MICALL1: variants seen among roughly 807,000 people sequenced by gnomAD.
MICALL1 encodes MICAL like 1.
MICALL1 carries 61 observed loss-of-function variants against 83.7 expected under a neutral mutation model. That is an observed-to-expected ratio of 0.73 (90% CI 0.59 to 0.90). The LOEUF is 0.90. Ranked by LOEUF, MICALL1 falls within the 40% of genes least tolerant of loss-of-function variation. The pLI, the probability that MICALL1 is intolerant of heterozygous loss-of-function variation, is 0.00. For missense variants in MICALL1, 1,066 were observed against 1,152.0 expected, an observed-to-expected ratio of 0.93 and a Z score of 1.08; for synonymous variants, 481 against 473.6, an observed-to-expected ratio of 1.02 and a Z score of -0.20.
intron 5 of MICALL1, among the ~76,000 whole-genome samples, chr22:37,919,866 G>A (rs1184387556): frequency 1.3e-5 from 2 of 151,804 alleles, no homozygotes; most frequent in East Asian, 1.9e-4. Context: ...GTGGGCACCT[G>A]TAATCCCGGC....
chr22:37,934,372 G>T (rs1247915590), intron 13 of MICALL1, among the ~76,000 whole-genome samples: 2 of 152,110 alleles, frequency 1.3e-5, no homozygotes, highest in African/African-American at 4.8e-5. Flanking sequence ...GTTTCCCCAC[G>T]TGTAGACTGG....
At chr22:37,927,141 G>T in intron 8 of MICALL1, 1 of 432,358 alleles carries the variant, frequency 2.3e-6, no homozygotes. Flanking sequence ...TTTTGCTGTG[G>T]GTGCCCTCAT....
intron 1 of MICALL1, among the ~76,000 whole-genome samples, chr22:37,909,621 G>T (rs894247328): frequency 1.3e-5 from 2 of 152,216 alleles, no homozygotes; most frequent in Non-Finnish European, 2.9e-5. Context: ...GCCTCCCAAA[G>T]TGCTGGGATT....
chr22:37,923,028 C>T (rs1331215582), intron 6 of MICALL1, among the ~76,000 whole-genome samples: 3 of 151,716 alleles, frequency 2.0e-5, no homozygotes, highest in East Asian at 1.9e-4. Context: ...CTTTGCCTCC[C>T]GGCTTCAATC....
rs764129404 is a variant in MICALL1, at chr22:37,927,584, A to AC, written c.1643dup (p.Gly549TrpfsTer22). The AC allele has an allele frequency of 6.2e-7, 1 of 1,613,076 alleles. No homozygotes were observed. ...AGAGCCTGCTGTCCATGCCCCTGGTACCCCTGGAAACCCTGTCAGCCTCTC... is the reference window on the plus strand; with the variant it reads ...AGAGCCTGCTGTCCATGCCCCTGGTACCCCCTGGAAACCCTGTCAGCCTCTC... On this transcript the variant is annotated frameshift_variant, in exon 9 of 16. Coordinates refer to ENST00000215957, the MANE Select transcript of MICALL1 (RefSeq NM_033386.4). LOFTEE classifies it high-confidence loss of function.
chr22:37,908,774 C>A (rs1928129270), intron 1 of MICALL1, among the ~76,000 whole-genome samples: 2 of 152,172 alleles, frequency 1.3e-5, no homozygotes, highest in African/African-American at 4.8e-5. Flanking sequence ...ATTCCATGTA[C>A]CCTATCAGAG....
rs536321287 is a variant in MICALL1, at chr22:37,919,628, T to G, written c.569+450T>G. ...TCCAGCCTGGGTGACAGAGCGAGAC[T>G]CTGTCTCAAAAAAAAAAAAAAAAAA... On this transcript the variant is annotated intron_variant, in intron 5 of 15. Coordinates refer to ENST00000215957, the MANE Select transcript of MICALL1 (RefSeq NM_033386.4). Among the ~76,000 whole-genome samples the G allele has an allele frequency of 5.5e-3, 657 of 119,020 alleles. 3 individuals carry two copies. The highest frequency in any genetic ancestry group is 0.021 in the African/African-American group (627 of 30,096). The allele number at this position is 119,020 out of a possible 152,430, so 78.1% of individuals were successfully genotyped here.
chr22:37,936,663 C>T (rs907106245), intron 13 of MICALL1, among the ~76,000 whole-genome samples: 7 of 152,172 alleles, frequency 4.6e-5, no homozygotes, highest in African/African-American at 7.2e-5. Context: ...GAGGCTGAGA[C>T]GGGTGGATCA....
intron 1 of MICALL1, among the ~76,000 whole-genome samples, chr22:37,907,805 T>C (rs1928060428): frequency 6.6e-6 from 1 of 152,104 alleles, no homozygotes; most frequent in Admixed American, 6.5e-5. Flanking sequence ...GGGAACAAGA[T>C]GAGGTGGTCA....
rs1930425772 is a variant in MICALL1 at position 37,941,335 on chromosome 22, C to T, written c.*505C>T. 6.4e-6 allele frequency: 1 copy of T among 156,470 alleles called. No homozygotes were observed. 9.7% of individuals were successfully genotyped at this position (156,470 alleles called of 1,614,324 possible). ...CCCTTGGATCTCAGTTTCCCTCACT[C>T]AGGAACTCTGTTTCTGAAGTCTTCA... On this transcript the variant is annotated 3_prime_UTR_variant, in exon 16 of 16. Transcript: ENST00000215957.
rs1930415485 is a variant in MICALL1, at chr22:37,941,154, C to T, written c.*324C>T. 1 of 242,518 alleles carries T rather than the reference C, an allele frequency of 4.1e-6. No individual in the cohort carries two copies. Among genetic ancestry groups the T allele is most frequent in the African/African-American group, 2.2e-5 (1 of 45,562 alleles). 15.0% of individuals were successfully genotyped at this position (242,518 alleles called of 1,614,324 possible). A position where few individuals can be genotyped will look rare whatever the true frequency, so the allele number is the denominator to read the frequency against. ...GGGCGCCTGCTGAGCACTTCCGCCC[C>T]TCACCCTGCCCAGCCCCTGCCATGA... On this transcript the variant is annotated 3_prime_UTR_variant, in exon 16 of 16. Coordinates refer to ENST00000215957, the MANE Select transcript of MICALL1 (RefSeq NM_033386.4).
At chr22:37,933,262 G>A in intron 13 of MICALL1, 150 bp downstream of exon 13, 1 of 773,898 alleles carries the variant, frequency 1.3e-6, no homozygotes, top group Non-Finnish European at 2.1e-6. Flanking sequence ...GGCTGTCTGG[G>A]TCACCCCCAA....
At chr22:37,928,185 C>T (rs1046354464) in intron 9 of MICALL1, among the ~76,000 whole-genome samples, 1 of 151,680 alleles carries the variant, frequency 6.6e-6, no homozygotes, top group South Asian at 2.1e-4. Flanking sequence ...GGATTACAGG[C>T]ATGAACCACC....
At position 37,925,854 on chromosome 22, in the gene MICALL1, C is replaced by T. The variant is rs1471263425; in HGVS notation, c.1276C>T (p.Pro426Ser). Residue 426 changes from proline (P) to serine (S), a missense_variant, in exon 8 of 16, where the codon CCC (proline) becomes TCC (serine). By Grantham distance (74) the Pro-to-Ser change is moderately conservative. Transcript: ENST00000215957. ...TASLESKPYN[P>S]FEEEEEDKEE... ...CAGCCTGGAGTCCAAACCCTATAACCCCTTTGAGGAGGAGGAGGAGGACAA... is the reference window on the plus strand; with the variant it reads ...CAGCCTGGAGTCCAAACCCTATAACTCCTTTGAGGAGGAGGAGGAGGACAA... 1 of 1,613,802 alleles carries T rather than the reference C, an allele frequency of 6.2e-7. No individual in the cohort carries two copies. Among genetic ancestry groups the T allele is most frequent in the African/African-American group, 1.3e-5 (1 of 74,904 alleles).
intron 6 of MICALL1, among the ~76,000 whole-genome samples, chr22:37,923,991 C>T (rs557141981): frequency 2.4e-4 from 37 of 152,288 alleles, no homozygotes; most frequent in African/African-American, 8.7e-4. Context: ...CAGATGACCT[C>T]CCTGGGTTTC....
At position 37,932,900 on chromosome 22, in the gene MICALL1, C is replaced by T. The variant is rs372411343; in HGVS notation, c.2234+12C>T. 1.6e-5 allele frequency: 26 copies of T among 1,613,824 alleles called. No individual in the cohort carries two copies. In the South Asian group the frequency reaches 2.0e-4, roughly 12 times the overall value. The stretch of plus-strand genomic sequence containing the variant: ...GAGCTCATCTATGTGTGAGTCCCCC[C>T]GCCTGGGGCATCCCTCCCTGGAATC... On this transcript the variant is annotated intron_variant, in intron 12 of 15. Coordinates refer to ENST00000215957, the MANE Select transcript of MICALL1 (RefSeq NM_033386.4). This position sits in a 1 kb window ranked among gnomAD's most constrained non-coding sequence, Gnocchi z 4.4.
At chr22:37,919,794 G>A (rs1928912523) in intron 5 of MICALL1, among the ~76,000 whole-genome samples, 1 of 151,984 alleles carries the variant, frequency 6.6e-6, no homozygotes, top group African/African-American at 2.4e-5. Flanking sequence ...TTTGAGACCA[G>A]CCTGATCAAC....
intron 13 of MICALL1, among the ~76,000 whole-genome samples, chr22:37,933,981 T>C (rs1418628305): frequency 6.6e-6 from 1 of 152,164 alleles, no homozygotes. Context: ...GGCTGGAGTG[T>C]CCCAGGGGAA....
At chr22:37,921,863 C>A in intron 5 of MICALL1, 109 bp from the exon 6 acceptor site, 1 of 1,045,972 alleles carries the variant, frequency 9.6e-7, no homozygotes, top group Non-Finnish European at 1.4e-6. Flanking sequence ...GCTTGGCTGG[C>A]AGTTGGGAGG....
Sources: gnomAD v4.1 joint callset for allele counts (sites outside exome capture counted in the v4.1 genomes callset) on GRCh38, gnomAD v4.1.1 for gene constraint, Gnocchi (gnomAD v3.1) non-coding constraint, MANE v1.5 for transcripts, NCBI Gene and HGNC (gene_info 2026-07-23, HGNC 2026-07-21) for gene names.